The following RMDN2 variants were observed in gnomAD, a reference collection of about 807,000 sequenced individuals.
RMDN2 encodes regulator of microtubule dynamics protein 2.
RMDN2 carries 61 observed loss-of-function variants against 52.8 expected under a neutral mutation model. That is an observed-to-expected ratio of 1.16 (90% CI 0.94 to 1.43). The LOEUF is 1.43. Ranked by LOEUF, RMDN2 falls within the 40% of genes most tolerant of loss-of-function variation. RMDN2 has a pLI of 0.00. For synonymous variants in RMDN2, 180 were observed against 153.1 expected (o/e 1.18, Z -1.30); for missense variants, 592 against 475.3 (o/e 1.25, Z -2.28).
intron 10 of RMDN2, among the ~76,000 whole-genome samples, chr2:38,065,351 A>C (rs1682227438): frequency 6.6e-6 from 1 of 152,104 alleles, no homozygotes; most frequent in African/African-American, 2.4e-5. Flanking sequence ...GAGAGAAACA[A>C]ATGTAAGGAA....
At chr2:38,009,055 A>T (rs890322648) in intron 10 of RMDN2, among the ~76,000 whole-genome samples, 4 of 152,266 alleles carry the variant, frequency 2.6e-5, no homozygotes, top group South Asian at 2.1e-4. Context: ...TGGCTTGTAG[A>T]GTTTCTGCTG....
rs1378778313 is a variant in RMDN2, at chr2:38,066,861, G to A, written c.1714-121G>A. ...ACTGTCATACATCTGGAAAACTAGT[G>A]AGTATTCTCTTAAACCACTCCATAG... is the stretch of plus-strand genomic sequence containing the variant. On this transcript the variant is annotated intron_variant, in intron 10 of 10. Coordinates refer to the RMDN2 transcript ENST00000234195. 3 of 787,996 alleles carry A rather than the reference G, an allele frequency of 3.8e-6. No individual in the cohort carries two copies. The African/African-American group carries it at 5.1e-5, about 14-fold the overall frequency. 48.8% of individuals were successfully genotyped at this position (787,996 alleles called of 1,614,324 possible).
At chr2:37,972,850 G>T (rs146523651) in intron 2 of RMDN2, among the ~76,000 whole-genome samples, 3 of 152,288 alleles carry the variant, frequency 2.0e-5, no homozygotes, top group Non-Finnish European at 2.9e-5. Flanking sequence ...AAGTTTTTTG[G>T]TTTGAGCAAT....
At chr2:37,932,841 C>T (rs564812760) in intron 2 of RMDN2, among the ~76,000 whole-genome samples, 21,257 of 130,632 alleles carry the variant, frequency 0.16, 2,679 homozygotes, top group African/African-American at 0.27. Context: ...CCCTCCCGGA[C>T]GGGGCGGCTG....
chr2:38,040,608 A>G (rs567610355), intron 10 of RMDN2, among the ~76,000 whole-genome samples: 1 of 152,300 alleles, frequency 6.6e-6, no homozygotes, highest in South Asian at 2.1e-4. Context: ...AGTCTAAGGT[A>G]TTTTGTTGTA....
intron 2 of RMDN2, among the ~76,000 whole-genome samples, chr2:37,966,228 C>G (rs1350842541): frequency 6.6e-6 from 1 of 152,008 alleles, no homozygotes; most frequent in Non-Finnish European, 1.5e-5. Flanking sequence ...ACCATCCTGG[C>G]TAACACGGTG....
chr2:38,029,961 G>A (rs138270272), intron 10 of RMDN2: 42 of 152,228 alleles, frequency 2.8e-4, no homozygotes, highest in African/African-American at 9.9e-4. Context: ...AGCGAAAGGG[G>A]TTTTGCCTTA....
At chr2:37,977,615 GCTCAGAGA>G (rs1672689135) in intron 4 of RMDN2, among the ~76,000 whole-genome samples, 15 of 151,242 alleles carry the variant, frequency 9.9e-5, no homozygotes, top group African/African-American at 3.7e-4. Context: ...CCGGGCGGCC[GCTCAGAGA>G]CCTCCTCACC....
At chr2:37,930,356 T>C (rs1264267649) in intron 2 of RMDN2, among the ~76,000 whole-genome samples, 1 of 152,212 alleles carries the variant, frequency 6.6e-6, no homozygotes, top group African/African-American at 2.4e-5. Flanking sequence ...AGGTCTCTTT[T>C]CTTTTCTTTT....
chr2:37,981,698 C>G (rs1050726977), intron 5 of RMDN2, among the ~76,000 whole-genome samples: 18 of 152,096 alleles, frequency 1.2e-4, no homozygotes, highest in African/African-American at 4.1e-4. Context: ...AGCACATCAA[C>G]CATTTCTTAT....
chr2:38,010,596 A>T (rs1418214736), intron 10 of RMDN2, among the ~76,000 whole-genome samples: 1 of 152,204 alleles, frequency 6.6e-6, no homozygotes, highest in Non-Finnish European at 1.5e-5. Context: ...CCGATCTTCC[A>T]GGTGCCGTTT....
intron 4 of RMDN2, among the ~76,000 whole-genome samples, chr2:37,978,277 C>G (rs977488719): frequency 7.1e-6 from 1 of 140,110 alleles, no homozygotes; most frequent in Non-Finnish European, 1.5e-5. Flanking sequence ...GCAGTACAGT[C>G]CAGCCTGGGC....
intron 2 of RMDN2, chr2:37,951,452 A>G (rs1479267735): frequency 2.5e-6 from 4 of 1,612,264 alleles, no homozygotes; most frequent in Non-Finnish European, 1.7e-6. Flanking sequence ...GATATTCTTT[A>G]TTTGTTGGAT....
chr2:37,979,749 C>T (rs1228355307), intron 4 of RMDN2, among the ~76,000 whole-genome samples: 1 of 152,140 alleles, frequency 6.6e-6, no homozygotes, highest in African/African-American at 2.4e-5. Context: ...TTGTATACTA[C>T]CCGGCGTCTT....
intron 2 of RMDN2, among the ~76,000 whole-genome samples, chr2:37,953,760 A>G (rs149829148): frequency 0.012 from 1,897 of 152,136 alleles, 42 homozygotes; most frequent in African/African-American, 0.043. Flanking sequence ...TTTTTTGAGG[A>G]ACTACCATAT....
Position 38,016,272 on chromosome 2 carries a change from T to C in RMDN2, c.1180-914T>C, listed in dbSNP as rs76828351. ...TGTTATGTCCTCAGTAGCAGAGATG[T>C]CACAGTGGAGAGGAGCCCTTGGAAT... On this transcript the variant is annotated intron_variant, in intron 10 of 10. Coordinates refer to ENST00000354545, the MANE Select transcript of RMDN2 (RefSeq NM_001170791.3). Among the ~76,000 whole-genome samples the C allele has an allele frequency of 9.3e-3, 1,414 of 152,320 alleles. 16 individuals carry two copies. Among genetic ancestry groups the C allele is most frequent in the African/African-American group, 0.029 (1,212 of 41,576 alleles).
At chr2:38,043,201 G>T (rs565018668) in intron 10 of RMDN2, among the ~76,000 whole-genome samples, 42 of 152,288 alleles carry the variant, frequency 2.8e-4, no homozygotes, top group African/African-American at 9.6e-4. Flanking sequence ...ATTGAGGATT[G>T]TTATGTCTTC....
At chr2:37,933,365 G>A (rs1467339408) in intron 2 of RMDN2, among the ~76,000 whole-genome samples, 10 of 152,328 alleles carry the variant, frequency 6.6e-5, no homozygotes, top group South Asian at 2.1e-4. Flanking sequence ...CTTCCCAGAC[G>A]GGGTGGCGGC....
intron 10 of RMDN2, among the ~76,000 whole-genome samples, chr2:38,059,169 C>A (rs746922498): frequency 6.6e-6 from 1 of 152,274 alleles, no homozygotes; most frequent in East Asian, 1.9e-4. Context: ...TTCCAAGCAC[C>A]TGAAATAAGG....
Sources: gnomAD v4.1 joint callset for allele counts (sites outside exome capture counted in the v4.1 genomes callset) on GRCh38, gnomAD v4.1.1 for gene constraint, MANE v1.5 for transcripts, NCBI Gene and HGNC (gene_info 2026-07-23, HGNC 2026-07-21) for gene names.